The following CRX variants were observed in gnomAD, a reference collection of about 807,000 sequenced individuals.
CRX encodes the protein cone-rod homeobox.
CRX carries 5 observed loss-of-function variants against 13.1 expected under a neutral mutation model. The observed-to-expected ratio is 0.38, with a 90% CI of 0.20 to 0.80. The LOEUF (loss-of-function observed/expected upper bound fraction) is 0.80, where lower values mean the gene tolerates loss of function less well. Ranked by LOEUF, CRX falls within the 30% of genes least tolerant of loss-of-function variation. The probability of loss-of-function intolerance (pLI) is 0.43; values close to 1 mark genes in which losing one functional copy is unlikely to be tolerated. For synonymous variants in CRX, 179 were observed against 171.1 expected (o/e 1.05, Z -0.36); for missense variants, 351 against 391.8 (o/e 0.90, Z 0.88).
In CRX at chr19:47,839,435, C is replaced by T. The variant is rs201969424; in HGVS notation, c.368C>T (p.Thr123Met). 8.1e-6 allele frequency: 13 copies of T among 1,613,902 alleles called. No homozygotes were observed. The East Asian group carries it at 1.3e-4, about 17-fold the overall frequency. ...KARPAKRKAG[T>M]SPRPSTDVCP... ...CGGCCTGCCAAGAGGAAGGCGGGCA[C>T]GTCCCCAAGACCCTCCACAGATGTG... Residue 123 changes from threonine to methionine, a missense_variant, in exon 4 of 4, where the codon ACG becomes ATG. Physicochemically the swap from Thr to Met is moderately conservative, Grantham distance 81. Transcript: ENST00000221996. The surrounding 1 kb of genome is among the most constrained non-coding windows in gnomAD (Gnocchi z 4.6).
chr19:47,836,237 C>T lies in CRX; in HGVS notation c.101-6C>T, dbSNP rs781316943. Reference sequence around the variant, plus strand: ...CCTGAGGGTCCTGTTTCCCATCCCACCCCAGGCGCCCCCAGGAAGCAGCGG... The same window carrying T: ...CCTGAGGGTCCTGTTTCCCATCCCATCCCAGGCGCCCCCAGGAAGCAGCGG... On this transcript the variant is annotated splice_region_variant and splice_polypyrimidine_tract_variant and intron_variant, in intron 2 of 3. Coordinates refer to ENST00000221996, the MANE Select transcript of CRX (RefSeq NM_000554.6). The T allele has an allele frequency of 4.3e-6, 7 of 1,613,950 alleles. No individual in the cohort carries two copies. The African/African-American group carries it at 5.3e-5, about 12-fold the overall frequency.
chr19:47,835,753 C>T (rs2123739452), intron 2 of CRX, among the ~76,000 whole-genome samples: 2 of 151,618 alleles, frequency 1.3e-5, no homozygotes, highest in East Asian at 3.9e-4. Context: ...TCCCGAGTAG[C>T]TGGGACTACA....
intron 1 of CRX, among the ~76,000 whole-genome samples, chr19:47,828,365 A>G (rs1327411177): frequency 6.6e-6 from 1 of 152,046 alleles, no homozygotes; most frequent in Non-Finnish European, 1.5e-5. Context: ...TCCTCATGTG[A>G]GGGATGAGAA....
chr19:47,837,401 A>G (rs888857236), intron 3 of CRX, among the ~76,000 whole-genome samples: 2 of 152,180 alleles, frequency 1.3e-5, no homozygotes, highest in African/African-American at 4.8e-5. Context: ...TCCTGACCTC[A>G]GGCAATCCTA....
chr19:47,834,262 G>A lies in CRX; in HGVS notation c.-35-147G>A, dbSNP rs113766928. The A allele has an allele frequency of 3.9e-4, 250 of 648,638 alleles. No homozygotes were observed. In the African/African-American group the frequency reaches 3.9e-3, roughly 10 times the overall value. The allele number at this position is 648,638 out of a possible 1,614,324, so 40.2% of individuals were successfully genotyped here. A position where few individuals can be genotyped will look rare whatever the true frequency, so the allele number is the denominator to read the frequency against. On this transcript the variant is annotated intron_variant, in intron 1 of 3. Transcript: ENST00000221996. ...CTTAAGCAGAGGCCATTTTACATGT[G>A]AGGACACAGAGGTACAGAGAGGTGA...
chr19:47,834,884 G>T (rs765843727), intron 2 of CRX, among the ~76,000 whole-genome samples: 1 of 151,894 alleles, frequency 6.6e-6, no homozygotes, highest in Non-Finnish European at 1.5e-5. Flanking sequence ...GGTGGTCACG[G>T]CTCACTGCAG....
rs1164010271 is a variant in CRX, at chr19:47,841,877, G to C, written c.*1910G>C. On this transcript the variant is annotated 3_prime_UTR_variant, in exon 4 of 4. Coordinates refer to ENST00000221996, the MANE Select transcript of CRX (RefSeq NM_000554.6). The stretch of plus-strand genomic sequence containing the variant: ...AGGTGTAAAAAAAAAAGTAGGGCAG[G>C]AAGACAGTGGTGTGCTGGCAGAGGT... 1 of 151,908 alleles carries C rather than the reference G, an allele frequency of 6.6e-6. No individual in the cohort carries two copies. The highest frequency in any genetic ancestry group is 1.5e-5 in the Non-Finnish European group (1 of 68,034). 9.4% of individuals were successfully genotyped at this position (151,908 alleles called of 1,614,324 possible).
At chr19:47,825,832 G>T (rs1027520157) in intron 1 of CRX, among the ~76,000 whole-genome samples, 23 of 152,324 alleles carry the variant, frequency 1.5e-4, no homozygotes, top group African/African-American at 5.3e-4. Context: ...TGAGGCAGAA[G>T]AATCGCTTGA....
chr19:47,829,175 G>C (rs950835445), intron 1 of CRX, among the ~76,000 whole-genome samples: 10 of 152,052 alleles, frequency 6.6e-5, no homozygotes, highest in African/African-American at 2.4e-4. Flanking sequence ...GAGTGCACTG[G>C]CATAATCTCG....
At chr19:47,834,656 A>T in intron 2 of CRX, 113 bp downstream of exon 2, 1 of 766,748 alleles carries the variant, frequency 1.3e-6, no homozygotes. Context: ...TCAGGGCCAT[A>T]CACCAGCCCT....
chr19:47,835,546 G>A (rs149021141), intron 2 of CRX, among the ~76,000 whole-genome samples: 26 of 150,914 alleles, frequency 1.7e-4, no homozygotes, highest in Non-Finnish European at 2.8e-4. Context: ...CACCATGCCC[G>A]GCCAATTTTT....
chr19:47,835,483 CAAGT>C (rs1437362508), intron 2 of CRX, among the ~76,000 whole-genome samples: 1 of 151,890 alleles, frequency 6.6e-6, no homozygotes, highest in Non-Finnish European at 1.5e-5. Context: ...CTCCCAGGTT[CAAGT>C]GATTCTCCTG....
Position 47,843,306 on chromosome 19 carries a change from A to G in CRX, c.*3339A>G, listed in dbSNP as rs1343745620. 2.0e-5 allele frequency: 3 copies of G among 152,196 alleles called. No individual in the cohort carries two copies. The highest frequency in any genetic ancestry group is 4.4e-5 in the Non-Finnish European group (3 of 68,080). The allele number at this position is 152,196 out of a possible 1,614,324, so 9.4% of individuals were successfully genotyped here. A position where few individuals can be genotyped will look rare whatever the true frequency, so the allele number is the denominator to read the frequency against. ...TCTGTCCACCCACAGAGTGAAACCA[A>G]TTAAAATGTTGGATCTCATTTAAAG... is the stretch of plus-strand genomic sequence containing the variant. On this transcript the variant is annotated 3_prime_UTR_variant, in exon 4 of 4. Transcript: ENST00000221996.
chr19:47,823,261 G>A (rs1285529639), intron 1 of CRX, among the ~76,000 whole-genome samples: 4 of 152,174 alleles, frequency 2.6e-5, no homozygotes, highest in Admixed American at 2.6e-4. Context: ...AATGAATGAA[G>A]GGCAGAAGGG....
At chr19:47,838,298 C>G in intron 3 of CRX, among the ~76,000 whole-genome samples, 1 of 151,726 alleles carries the variant, frequency 6.6e-6, no homozygotes, top group East Asian at 1.9e-4. Context: ...CATGTATGTA[C>G]GCATACATGC....
In CRX at chr19:47,841,780, C is replaced by T. The variant is rs986017453; in HGVS notation, c.*1813C>T. On this transcript the variant is annotated 3_prime_UTR_variant, in exon 4 of 4. Transcript: ENST00000221996. ...GGTGCTGGGTCCCTGCCTTCTCAGTCCGAGTTCTCCTTTCATTTTTGGGTG... is the reference window on the plus strand; with the variant it reads ...GGTGCTGGGTCCCTGCCTTCTCAGTTCGAGTTCTCCTTTCATTTTTGGGTG... 1 of 151,744 alleles carries T rather than the reference C, an allele frequency of 6.6e-6. No homozygotes were observed. The highest frequency in any genetic ancestry group is 1.5e-5 in the Non-Finnish European group (1 of 67,978). The allele number at this position is 151,744 out of a possible 1,614,324, so 9.4% of individuals were successfully genotyped here.
chr19:47,838,323 G>T (rs1406923963), intron 3 of CRX, among the ~76,000 whole-genome samples: 1 of 152,110 alleles, frequency 6.6e-6, no homozygotes, highest in African/African-American at 2.4e-5. Context: ...TTGGATGACT[G>T]GATGGGTTTA....
At chr19:47,832,347 C>T (rs1968061850) in intron 1 of CRX, among the ~76,000 whole-genome samples, 1 of 151,672 alleles carries the variant, frequency 6.6e-6, no homozygotes. Flanking sequence ...CTCTGGTGAT[C>T]TGCCTGCCTT....
At chr19:47,833,446 T>C (rs576144218) in intron 1 of CRX, among the ~76,000 whole-genome samples, 97 of 151,884 alleles carry the variant, frequency 6.4e-4, no homozygotes, top group African/African-American at 2.2e-3. Context: ...CACACCTGGC[T>C]AATTTTTGTA....
Sources: allele counts gnomAD v4.1 joint callset (sites outside exome capture counted in the v4.1 genomes callset), GRCh38; gene constraint gnomAD v4.1.1; non-coding constraint Gnocchi (gnomAD v3.1); transcripts MANE v1.5; gene names NCBI Gene and HGNC (gene_info 2026-07-23, HGNC 2026-07-21).